NLGN1: variants seen among roughly 807,000 people sequenced by gnomAD.
The protein encoded by NLGN1 is neuroligin-1.
A neutral mutation model predicts 65.5 loss-of-function variants in NLGN1; 12 were observed. The observed-to-expected ratio is 0.18, with a 90% CI of 0.12 to 0.30. NLGN1 has a LOEUF of 0.30. Ranked by LOEUF, NLGN1 falls within the 10% of genes least tolerant of loss-of-function variation. The probability of loss-of-function intolerance (pLI) is 1.00; values close to 1 mark genes in which losing one functional copy is unlikely to be tolerated. For synonymous variants in NLGN1, 350 were observed against 359.5 expected (o/e 0.97, Z 0.30); for missense variants, 750 against 1,007.1 (o/e 0.74, Z 3.46).
intron 3 of NLGN1, among the ~76,000 whole-genome samples, chr3:173,684,866 A>G (rs75392200): frequency 3.2e-3 from 492 of 152,322 alleles, no homozygotes; most frequent in African/African-American, 0.011. Context: ...ATTAATACAT[A>G]ACAGTGGAGT....
intron 2 of NLGN1, among the ~76,000 whole-genome samples, chr3:173,458,320 G>C (rs1287176172): frequency 6.6e-6 from 1 of 151,974 alleles, no homozygotes; most frequent in Non-Finnish European, 1.5e-5. Context: ...TCAGAATAAA[G>C]TGTTTTTAGA....
rs5854552 is a variant in NLGN1, at chr3:174,094,746, TAA to T, written c.647-180547_647-180546del. 5.4e-3 allele frequency among the ~76,000 whole-genome samples: 482 copies of T among 88,904 alleles called. 6 individuals are homozygous for T. The highest frequency in any genetic ancestry group is 0.02 in the African/African-American group (448 of 22,714). 58.3% of individuals were successfully genotyped at this position (88,904 alleles called of 152,430 possible). ...CCTGCTCATTGTTCCTTGGCTCCGC[TAA>T]AAAAAAAAAAAAAAAAAAAAAGTCA... On this transcript the variant is annotated intron_variant, in intron 4 of 6. Transcript: ENST00000457714.
chr3:174,252,594 T>G (rs1744981564), intron 4 of NLGN1, among the ~76,000 whole-genome samples: 1 of 152,148 alleles, frequency 6.6e-6, no homozygotes, highest in African/African-American at 2.4e-5. Flanking sequence ...CCCTCTCTGA[T>G]CCTCAGTTTT....
At chr3:173,807,559 C>T (rs1008139378) in intron 3 of NLGN1, 121 bp from the exon 4 acceptor site, 8 of 1,050,680 alleles carry the variant, frequency 7.6e-6, no homozygotes, top group Admixed American at 5.0e-5. Flanking sequence ...TTAATAAAAA[C>T]AGCAGTTTAA....
At chr3:174,146,570 C>CTT (rs879300938) in intron 4 of NLGN1, among the ~76,000 whole-genome samples, 2 of 140,796 alleles carry the variant, frequency 1.4e-5, no homozygotes, top group Non-Finnish European at 1.6e-5. Flanking sequence ...TGACATGAAT[C>CTT]TTTTTTTTTT....
chr3:174,249,625 T>G (rs1041296593), intron 4 of NLGN1, among the ~76,000 whole-genome samples: 4 of 152,204 alleles, frequency 2.6e-5, no homozygotes, highest in African/African-American at 9.6e-5. Context: ...AAAATTAATG[T>G]AAAGTTGAAT....
intron 2 of NLGN1, among the ~76,000 whole-genome samples, chr3:173,580,436 T>A (rs1200358512): frequency 3.0e-4 from 45 of 152,042 alleles, no homozygotes; most frequent in Admixed American, 2.9e-3. Flanking sequence ...CTGTATTGAT[T>A]TCATTTTCTG....
At chr3:173,996,782 AG>A (rs1722358105) in intron 4 of NLGN1, among the ~76,000 whole-genome samples, 1 of 152,230 alleles carries the variant, frequency 6.6e-6, no homozygotes, top group South Asian at 2.1e-4. Context: ...TATAAAGAAG[AG>A]AATATGCAAC....
At chr3:173,974,762 A>T (rs1265075410) in intron 4 of NLGN1, among the ~76,000 whole-genome samples, 1 of 152,046 alleles carries the variant, frequency 6.6e-6, no homozygotes, top group South Asian at 2.1e-4. Flanking sequence ...TTCCTACAGC[A>T]GGCCCTATTT....
At chr3:174,190,874 C>T (rs1732265099) in intron 4 of NLGN1, among the ~76,000 whole-genome samples, 1 of 151,966 alleles carries the variant, frequency 6.6e-6, no homozygotes, top group African/African-American at 2.4e-5. Flanking sequence ...ATATAGCCAA[C>T]AAAAACCCTG....
chr3:173,927,977 C>G (rs995067954), intron 4 of NLGN1, among the ~76,000 whole-genome samples: 2 of 152,156 alleles, frequency 1.3e-5, no homozygotes, highest in Non-Finnish European at 2.9e-5. Flanking sequence ...TTGTAGAACA[C>G]CCCTCTGAGT....
At chr3:173,547,599 A>G (rs1740102032) in intron 2 of NLGN1, among the ~76,000 whole-genome samples, 1 of 152,156 alleles carries the variant, frequency 6.6e-6, no homozygotes, top group Non-Finnish European at 1.5e-5. Context: ...TTGATCTTAT[A>G]TACTTATTTT....
chr3:174,203,227 G>T (rs1419038157), intron 4 of NLGN1, among the ~76,000 whole-genome samples: 3 of 152,118 alleles, frequency 2.0e-5, no homozygotes, highest in African/African-American at 4.8e-5. Context: ...GTAATTTTCT[G>T]CCCTGTGCAG....
chr3:174,153,630 C>G (rs1460704273), intron 4 of NLGN1, among the ~76,000 whole-genome samples: 1 of 152,028 alleles, frequency 6.6e-6, no homozygotes, highest in Non-Finnish European at 1.5e-5. Context: ...AAAGTTGGCT[C>G]ATAATTAAAA....
chr3:173,526,440 C>G (rs912530934), intron 2 of NLGN1, among the ~76,000 whole-genome samples: 3 of 151,128 alleles, frequency 2.0e-5, no homozygotes, highest in African/African-American at 7.3e-5. Context: ...CTTTTTCTAT[C>G]CCTTTGTATT....
intron 4 of NLGN1, among the ~76,000 whole-genome samples, chr3:174,037,751 A>C (rs539149779): frequency 6.6e-6 from 1 of 152,330 alleles, no homozygotes; most frequent in South Asian, 2.1e-4. Flanking sequence ...AGCACCTTTT[A>C]CTTTTTCTGA....
chr3:174,197,265 G>T (rs1028027313), intron 4 of NLGN1, among the ~76,000 whole-genome samples: 1 of 151,968 alleles, frequency 6.6e-6, no homozygotes, highest in Admixed American at 6.6e-5. Flanking sequence ...TAAGCAAAAG[G>T]AAATGTTTTG....
chr3:173,885,772 A>G (rs1350295006), intron 4 of NLGN1, among the ~76,000 whole-genome samples: 1 of 152,132 alleles, frequency 6.6e-6, no homozygotes, highest in African/African-American at 2.4e-5. Flanking sequence ...TTCAGGGAAG[A>G]AAGATATAAA....
At chr3:173,445,229 C>G (rs1336091094) in intron 2 of NLGN1, among the ~76,000 whole-genome samples, 2 of 143,262 alleles carry the variant, frequency 1.4e-5, no homozygotes, top group Admixed American at 1.4e-4. Flanking sequence ...GATCCCGCCA[C>G]TGCACTCCAG....
Sources: gnomAD v4.1 joint callset for allele counts (sites outside exome capture counted in the v4.1 genomes callset) on GRCh38, gnomAD v4.1.1 for gene constraint, MANE v1.5 for transcripts, NCBI Gene and HGNC (gene_info 2026-07-23, HGNC 2026-07-21) for gene names.